CACNG2: variants seen among roughly 807,000 people sequenced by gnomAD.
CACNG2 encodes calcium voltage-gated channel auxiliary subunit gamma 2.
In CACNG2, 3 loss-of-function variants were observed where a neutral mutation model predicts 25.9. That is an observed-to-expected ratio of 0.12 (90% CI 0.05 to 0.30). CACNG2 has a LOEUF of 0.30. Among genes scored for constraint, CACNG2 ranks in the 10% least tolerant of loss-of-function variants. The pLI, the probability that CACNG2 is intolerant of heterozygous loss-of-function variation, is 1.00. For synonymous variants in CACNG2, 167 were observed against 173.3 expected (o/e 0.96, Z 0.29); for missense variants, 341 against 432.5 (o/e 0.79, Z 1.88).
intron 1 of CACNG2, among the ~76,000 whole-genome samples, chr22:36,609,549 C>T (rs1603501551): frequency 8.9e-6 from 1 of 111,774 alleles, no homozygotes; most frequent in Non-Finnish European, 1.8e-5. Context: ...CCCCCCAGAG[C>T]GTGATTGGGC....
At chr22:36,582,281 CTTGCTCTTCCT>C (rs1317843791) in intron 2 of CACNG2, among the ~76,000 whole-genome samples, 1 of 152,228 alleles carries the variant, frequency 6.6e-6, no homozygotes, top group East Asian at 1.9e-4. Flanking sequence ...GCTCTCCACA[CTTGCTCTTCCT>C]TTGCTCTTCC....
intron 1 of CACNG2, among the ~76,000 whole-genome samples, chr22:36,632,232 C>T (rs562467237): frequency 6.6e-5 from 10 of 151,796 alleles, no homozygotes; most frequent in Admixed American, 1.3e-4. Context: ...GATGGTCTCT[C>T]GAAGACATAG....
intron 1 of CACNG2, among the ~76,000 whole-genome samples, chr22:36,591,791 G>A (rs771305562): frequency 1.3e-5 from 2 of 152,272 alleles, no homozygotes; most frequent in East Asian, 3.9e-4. Flanking sequence ...CAGCACAAGG[G>A]GGGTGGTGCT....
chr22:36,592,818 C>T (rs575469811), intron 1 of CACNG2, among the ~76,000 whole-genome samples: 1 of 152,268 alleles, frequency 6.6e-6, no homozygotes, highest in East Asian at 1.9e-4. Flanking sequence ...AAGTTGTCCT[C>T]TACGGTTCGA....
intron 2 of CACNG2, among the ~76,000 whole-genome samples, chr22:36,573,105 C>T (rs540629833): frequency 6.6e-6 from 1 of 152,294 alleles, no homozygotes; most frequent in Admixed American, 6.5e-5. Context: ...AACTAATGTC[C>T]ATAGAGAGCT....
intron 1 of CACNG2, among the ~76,000 whole-genome samples, chr22:36,605,236 G>T (rs954104402): frequency 2.0e-5 from 3 of 152,000 alleles, no homozygotes; most frequent in Non-Finnish European, 4.4e-5. Flanking sequence ...CACCATGCCC[G>T]GCTACTTTTT....
At chr22:36,649,824 A>G (rs536455096) in intron 1 of CACNG2, among the ~76,000 whole-genome samples, 1 of 152,162 alleles carries the variant, frequency 6.6e-6, no homozygotes, top group Non-Finnish European at 1.5e-5. Context: ...GCCATGTAAG[A>G]CATCCCTTTG....
intron 1 of CACNG2, among the ~76,000 whole-genome samples, chr22:36,679,147 TTCC>T (rs1468817216): frequency 1.7e-5 from 1 of 60,476 alleles, no homozygotes; most frequent in Non-Finnish European, 3.6e-5. Context: ...CCTTCCTTCC[TTCC>T]TTCCTTCCTT....
chr22:36,673,378 T>C (rs1042432056), intron 1 of CACNG2, among the ~76,000 whole-genome samples: 4 of 152,112 alleles, frequency 2.6e-5, no homozygotes, highest in African/African-American at 9.7e-5. Context: ...TGGAGAAGAT[T>C]GGAAATCGAA....
chr22:36,612,923 T>C (rs1002226653), intron 1 of CACNG2, among the ~76,000 whole-genome samples: 3 of 152,214 alleles, frequency 2.0e-5, no homozygotes, highest in African/African-American at 7.2e-5. Context: ...GCTAATGCTG[T>C]GATTTCCAAA....
intron 1 of CACNG2, among the ~76,000 whole-genome samples, chr22:36,588,901 T>G (rs1298875981): frequency 6.6e-6 from 1 of 152,152 alleles, no homozygotes; most frequent in Non-Finnish European, 1.5e-5. Flanking sequence ...TCTACAGTCC[T>G]GAGACTATGT....
At chr22:36,679,178 C>CTCT (rs1937056698) in intron 1 of CACNG2, among the ~76,000 whole-genome samples, 1 of 129,532 alleles carries the variant, frequency 7.7e-6, no homozygotes, top group African/African-American at 3.1e-5. Context: ...TCCTTCCTTC[C>CTCT]TTCCTTCCTT....
rs938862119 is a variant in CACNG2, at chr22:36,615,600, C to T, written c.212-28052G>A. 5.9e-5 allele frequency among the ~76,000 whole-genome samples: 9 copies of T among 152,340 alleles called. 1 individual carries two copies. The highest frequency in any genetic ancestry group is 2.2e-4 in the African/African-American group (9 of 41,576). On this transcript the variant is annotated intron_variant, in intron 1 of 3. Transcript: ENST00000300105. The stretch of plus-strand genomic sequence containing the variant: ...AGCTGGGTTAATTTTCTTCTTATCA[C>T]GTACCCTGCATTCATCTTACCACTA...
At chr22:36,660,324 C>T (rs1469513638) in intron 1 of CACNG2, among the ~76,000 whole-genome samples, 4 of 152,266 alleles carry the variant, frequency 2.6e-5, no homozygotes, top group African/African-American at 9.6e-5. Context: ...GCTGGTGGAG[C>T]CGGGCCCGTG....
At chr22:36,584,784 C>T (rs1031880790) in intron 2 of CACNG2, 1 of 152,328 alleles carries the variant, frequency 6.6e-6, no homozygotes, top group African/African-American at 2.4e-5. Flanking sequence ...GTCTGTAGGT[C>T]TCCCTCCAGA....
intron 1 of CACNG2, 88 bp downstream of exon 1, chr22:36,702,278 A>C: frequency 1.3e-6 from 1 of 759,568 alleles, no homozygotes; most frequent in South Asian, 1.6e-5. Context: ...TGGAATGTAA[A>C]GGGGACTTAT....
intron 1 of CACNG2, among the ~76,000 whole-genome samples, chr22:36,693,751 A>C (rs1194534469): frequency 6.6e-6 from 1 of 152,048 alleles, no homozygotes; most frequent in Non-Finnish European, 1.5e-5. Context: ...CTGCTGTCTG[A>C]AGTGCTCTTT....
intron 1 of CACNG2, among the ~76,000 whole-genome samples, chr22:36,667,171 A>G (rs939758693): frequency 1.3e-5 from 2 of 152,058 alleles, no homozygotes; most frequent in African/African-American, 4.8e-5. Flanking sequence ...GGGTTTCACC[A>G]TGTTGGCCAG....
chr22:36,694,896 G>A (rs905261536), intron 1 of CACNG2, among the ~76,000 whole-genome samples: 1 of 152,100 alleles, frequency 6.6e-6, no homozygotes, highest in Admixed American at 6.5e-5. Flanking sequence ...TATTCAGATC[G>A]GCGTGGAAGC....
Sources: gnomAD v4.1 joint callset for allele counts (sites outside exome capture counted in the v4.1 genomes callset) on GRCh38, gnomAD v4.1.1 for gene constraint, MANE v1.5 for transcripts, NCBI Gene and HGNC (gene_info 2026-07-23, HGNC 2026-07-21) for gene names.